The following CELF1 variants were observed in gnomAD, a reference collection of about 807,000 sequenced individuals.
The protein encoded by CELF1 is CUGBP Elav-like family member 1.
Under a neutral mutation model 61.8 loss-of-function variants are expected in CELF1, and 10 were observed. That is an observed-to-expected ratio of 0.16 (90% CI 0.10 to 0.27). The LOEUF (loss-of-function observed/expected upper bound fraction) is 0.27, where lower values mean the gene tolerates loss of function less well. Among genes scored for constraint, CELF1 ranks in the 10% least tolerant of loss-of-function variants. The pLI, the probability that CELF1 is intolerant of heterozygous loss-of-function variation, is 1.00. For missense variants in CELF1, 380 were observed against 639.1 expected, an observed-to-expected ratio of 0.59 and a Z score of 4.37; for synonymous variants, 236 against 225.1, an observed-to-expected ratio of 1.05 and a Z score of -0.43.
At chr11:47,508,378 T>G (rs1206738027) in intron 1 of CELF1, among the ~76,000 whole-genome samples, 1 of 151,962 alleles carries the variant, frequency 6.6e-6, no homozygotes, top group Non-Finnish European at 1.5e-5. Flanking sequence ...GAGACGAGAC[T>G]CAGACTGCAA....
chr11:47,528,511 G>C (rs890868681), intron 1 of CELF1, among the ~76,000 whole-genome samples: 5 of 152,136 alleles, frequency 3.3e-5, no homozygotes, highest in Admixed American at 2.0e-4. Flanking sequence ...AGCACTTTGG[G>C]AGGCCGAGGT....
intron 1 of CELF1, among the ~76,000 whole-genome samples, chr11:47,512,416 G>A (rs1182802737): frequency 6.7e-6 from 1 of 149,058 alleles, no homozygotes; most frequent in Non-Finnish European, 1.5e-5. Flanking sequence ...GCCTCCCAAA[G>A]TGCTGGAATT....
chr11:47,559,505 G>A (rs1438300416), intron 2 of CELF1, among the ~76,000 whole-genome samples: 1 of 151,932 alleles, frequency 6.6e-6, no homozygotes. Context: ...CTACAGGCAC[G>A]TGCCACCATG....
intron 1 of CELF1, among the ~76,000 whole-genome samples, chr11:47,538,371 T>C (rs906416494): frequency 2.0e-5 from 3 of 152,154 alleles, no homozygotes; most frequent in African/African-American, 4.8e-5. Context: ...TGGCTGGGCG[T>C]GGTGGCTCAC....
intron 9 of CELF1, among the ~76,000 whole-genome samples, chr11:47,481,547 T>G (rs1433898912): frequency 6.6e-6 from 1 of 152,192 alleles, no homozygotes. Flanking sequence ...GAATAATACT[T>G]GAAATGATGA....
At position 47,468,658 on chromosome 11, in the gene CELF1, C is replaced by T. The variant is rs1415644524; in HGVS notation, c.*3572G>A. On this transcript the variant is annotated 3_prime_UTR_variant, in exon 15 of 15. Coordinates refer to ENST00000687097, the MANE Select transcript of CELF1 (RefSeq NM_001376376.1). Reference sequence around the variant, plus strand: ...GTTTAAATATTTCCCCTTCAGCAGTCGTTCTAGCAAAACCAATTTGGCAGC... The same window carrying T: ...GTTTAAATATTTCCCCTTCAGCAGTTGTTCTAGCAAAACCAATTTGGCAGC... 4 of 149,950 alleles carry T rather than the reference C, an allele frequency of 2.7e-5. No homozygotes were observed. Among genetic ancestry groups the T allele is most frequent in the Non-Finnish European group, 3.0e-5 (2 of 67,684 alleles). 9.3% of individuals were successfully genotyped at this position (149,950 alleles called of 1,614,324 possible).
At chr11:47,511,601 A>G (rs549475548) in intron 1 of CELF1, among the ~76,000 whole-genome samples, 147 of 152,320 alleles carry the variant, frequency 9.7e-4, no homozygotes, top group African/African-American at 3.4e-3. Context: ...TAAAGTGGCA[A>G]TAAGTACGAG....
intron 1 of CELF1, among the ~76,000 whole-genome samples, chr11:47,542,210 A>G (rs1261952961): frequency 6.6e-6 from 1 of 152,122 alleles, no homozygotes; most frequent in East Asian, 1.9e-4. Context: ...TCTCTACTAA[A>G]AATACAAAAA....
chr11:47,537,089 G>A (rs530823319), intron 1 of CELF1, among the ~76,000 whole-genome samples: 2 of 152,132 alleles, frequency 1.3e-5, no homozygotes, highest in Non-Finnish European at 2.9e-5. Context: ...AGGCAAGAGT[G>A]CAGACTGCCA....
intron 3 of CELF1, among the ~76,000 whole-genome samples, chr11:47,489,935 G>GTTTTTGTTTTTTT (rs1555170253): frequency 1.9e-4 from 9 of 48,222 alleles, no homozygotes; most frequent in African/African-American, 6.2e-4. Flanking sequence ...ATACCATCTT[G>GTTTTTGTTTTTTT]TTTTTTTTTT....
At chr11:47,559,390 T>A (rs1401606503) in intron 2 of CELF1, among the ~76,000 whole-genome samples, 1 of 151,324 alleles carries the variant, frequency 6.6e-6, no homozygotes, top group Non-Finnish European at 1.5e-5. Context: ...AGACAAGGTC[T>A]CACTCTGTGG....
rs1360560579 is a variant in CELF1, at chr11:47,472,203, T to C, written c.*27A>G. 1 of 1,611,786 alleles carries C rather than the reference T, an allele frequency of 6.2e-7. No individual in the cohort carries two copies. Among genetic ancestry groups the C allele is most frequent in the African/African-American group, 1.3e-5 (1 of 74,882 alleles). On this transcript the variant is annotated 3_prime_UTR_variant, in exon 15 of 15. Coordinates refer to ENST00000687097, the MANE Select transcript of CELF1 (RefSeq NM_001376376.1). ...CTCCCCCACTTACCAGAAGACCCTC[T>C]CACTCCAGTCTCAGAGGGGAGCACG...
intron 2 of CELF1, among the ~76,000 whole-genome samples, chr11:47,558,730 A>G (rs2153790361): frequency 8.8e-6 from 1 of 113,670 alleles, no homozygotes; most frequent in South Asian, 2.3e-4. Context: ...GACATATATT[A>G]TATATAATTG....
At chr11:47,516,605 T>C (rs905001214) in intron 1 of CELF1, among the ~76,000 whole-genome samples, 7 of 151,992 alleles carry the variant, frequency 4.6e-5, no homozygotes, top group African/African-American at 1.7e-4. Flanking sequence ...TATTCTCTTT[T>C]TTTTTTTTTG....
At chr11:47,498,410 C>G (rs950570214) in intron 3 of CELF1, among the ~76,000 whole-genome samples, 8 of 152,146 alleles carry the variant, frequency 5.3e-5, no homozygotes, top group Non-Finnish European at 8.8e-5. Context: ...GTTTCAAAAA[C>G]AGAGAGAGAA....
intron 7 of CELF1, 141 bp from the exon 8 acceptor site, chr11:47,483,673 C>A: frequency 1.6e-6 from 1 of 624,492 alleles, no homozygotes; most frequent in Non-Finnish European, 2.9e-6. Context: ...TGGTATGTTG[C>A]AACAGGGTGA....
chr11:47,495,616 A>C (rs1006736307), intron 3 of CELF1, among the ~76,000 whole-genome samples: 3 of 152,204 alleles, frequency 2.0e-5, no homozygotes, highest in African/African-American at 7.2e-5. Context: ...TGTTGCAACC[A>C]AAGTTATAAG....
chr11:47,552,707 G>A lies in CELF1; in HGVS notation c.-154+285C>T, dbSNP rs1255743261. Among the ~76,000 whole-genome samples, 5 of 152,238 alleles carry A rather than the reference G, an allele frequency of 3.3e-5. No homozygotes were observed. The East Asian group carries it at 9.6e-4, about 29-fold the overall frequency. ...AGGCCTCTGAGCCTAGAGAGTGAAG[G>A]TAAAGGGCGCGGGGAGAGGAAGCAA... On this transcript the variant is annotated intron_variant, in intron 1 of 14. Coordinates refer to ENST00000687097, the MANE Select transcript of CELF1 (RefSeq NM_001376376.1).
At chr11:47,557,666 A>G (rs1479148714), upstream of CELF1, 2 of 146,776 alleles carry the variant, frequency 1.4e-5, no homozygotes, top group East Asian at 4.2e-4. Flanking sequence ...CTCCTTAGGC[A>G]ACCTGGTGGT....
Sources: allele counts gnomAD v4.1 joint callset (sites outside exome capture counted in the v4.1 genomes callset), GRCh38; gene constraint gnomAD v4.1.1; transcripts MANE v1.5; gene names NCBI Gene and HGNC (gene_info 2026-07-23, HGNC 2026-07-21).